Variants in CDH18 observed in about 807,000 individuals in gnomAD.
The protein encoded by CDH18 is cadherin 18.
Under a neutral mutation model 67.9 loss-of-function variants are expected in CDH18, and 31 were observed. The ratio of observed to expected loss-of-function variants is 0.46; its 90% confidence interval spans 0.34 to 0.62. CDH18 has a LOEUF of 0.62. Among genes scored for constraint, CDH18 ranks in the 20% least tolerant of loss-of-function variants. The probability of loss-of-function intolerance (pLI) is 0.01; values close to 1 mark genes in which losing one functional copy is unlikely to be tolerated. For missense variants in CDH18, 890 were observed against 975.5 expected (o/e 0.91, Z 1.17); for synonymous variants, 362 against 347.2 (o/e 1.04, Z -0.48).
intron 1 of CDH18, among the ~76,000 whole-genome samples, chr5:20,317,513 C>A (rs1737583510): frequency 6.6e-6 from 1 of 152,200 alleles, no homozygotes; most frequent in Admixed American, 6.5e-5. Context: ...CAGTAGTACA[C>A]ATATCTATAT....
intron 2 of CDH18, among the ~76,000 whole-genome samples, chr5:20,173,046 C>G (rs181313813): frequency 6.6e-6 from 1 of 151,440 alleles, no homozygotes; most frequent in Non-Finnish European, 1.5e-5. Flanking sequence ...AATAAAAGTA[C>G]TAAACACAAA....
rs1376671361 is a variant in CDH18, at chr5:20,022,189, T to C, written c.-517-30175A>G. Reference sequence around the variant, plus strand: ...AACATCCTGGGTATTGACTATTCCATTGAGTTCATATTAAGCAAGGCCTTG... The same window carrying C: ...AACATCCTGGGTATTGACTATTCCACTGAGTTCATATTAAGCAAGGCCTTG... On this transcript the variant is annotated intron_variant, in intron 2 of 14. Coordinates refer to the CDH18 transcript ENST00000507958. Among the ~76,000 whole-genome samples the C allele has an allele frequency of 2.0e-5, 3 of 152,340 alleles. No individual in the cohort carries two copies. In the East Asian group the frequency reaches 5.8e-4, roughly 29 times the overall value.
intron 2 of CDH18, among the ~76,000 whole-genome samples, chr5:20,180,935 T>A (rs957438921): frequency 7.2e-5 from 11 of 152,188 alleles, no homozygotes; most frequent in Non-Finnish European, 1.3e-4. Flanking sequence ...ATGCGTTATA[T>A]GAAACCAGTG....
chr5:20,324,781 C>A (rs1738394206), intron 1 of CDH18, among the ~76,000 whole-genome samples: 1 of 152,182 alleles, frequency 6.6e-6, no homozygotes, highest in Non-Finnish European at 1.5e-5. Flanking sequence ...CCAAAAAACA[C>A]AGTTTAGCTA....
chr5:19,727,857 T>A (rs1767054569), intron 4 of CDH18, among the ~76,000 whole-genome samples: 1 of 152,208 alleles, frequency 6.6e-6, no homozygotes, highest in African/African-American at 2.4e-5. Flanking sequence ...CATCAGGCAC[T>A]TCTAATGATC....
chr5:19,892,561 T>C (rs897532897), intron 2 of CDH18, among the ~76,000 whole-genome samples: 1 of 152,122 alleles, frequency 6.6e-6, no homozygotes, highest in Non-Finnish European at 1.5e-5. Flanking sequence ...TGTACCTGTA[T>C]AGTCCTCTCT....
chr5:19,581,435 T>C (rs1438089631), intron 7 of CDH18, among the ~76,000 whole-genome samples: 4 of 152,010 alleles, frequency 2.6e-5, no homozygotes, highest in Non-Finnish European at 4.4e-5. Context: ...ATCACTTCTA[T>C]TATTCCTTAA....
chr5:20,556,515 T>C (rs1442223481), intron 1 of CDH18, among the ~76,000 whole-genome samples: 1 of 152,184 alleles, frequency 6.6e-6, no homozygotes, highest in Non-Finnish European at 1.5e-5. Context: ...AGGCCCGTTC[T>C]CTTCTCTTAC....
intron 2 of CDH18, among the ~76,000 whole-genome samples, chr5:20,031,220 A>T (rs1231768400): frequency 6.6e-6 from 1 of 152,098 alleles, no homozygotes; most frequent in Admixed American, 6.6e-5. Context: ...TATCTCTGAA[A>T]AAAGGTGGCT....
chr5:19,909,779 T>C (rs1790927966), intron 2 of CDH18, among the ~76,000 whole-genome samples: 1 of 152,188 alleles, frequency 6.6e-6, no homozygotes, highest in Non-Finnish European at 1.5e-5. Flanking sequence ...TGCAGGAAAT[T>C]ATACTAATGA....
At chr5:20,287,411 T>C (rs988029078) in intron 1 of CDH18, among the ~76,000 whole-genome samples, 12 of 151,768 alleles carry the variant, frequency 7.9e-5, no homozygotes, top group Non-Finnish European at 1.3e-4. Flanking sequence ...CCTTTTTCCA[T>C]AGGTTCCTAA....
intron 7 of CDH18, among the ~76,000 whole-genome samples, chr5:19,579,272 T>A (rs1742829869): frequency 6.6e-6 from 1 of 152,106 alleles, no homozygotes; most frequent in South Asian, 2.1e-4. Flanking sequence ...TCACAGTGAA[T>A]GGCTCACTTT....
At chr5:19,884,916 G>A (rs981785453) in intron 2 of CDH18, among the ~76,000 whole-genome samples, 17 of 151,962 alleles carry the variant, frequency 1.1e-4, no homozygotes, top group African/African-American at 4.1e-4. Context: ...AAGCAAACTA[G>A]GGACATTATA....
At chr5:19,525,415 C>A in intron 9 of CDH18, among the ~76,000 whole-genome samples, 1 of 151,710 alleles carries the variant, frequency 6.6e-6, no homozygotes, top group African/African-American at 2.4e-5. Flanking sequence ...ATATCAGTTT[C>A]GTCTATATAC....
intron 2 of CDH18, among the ~76,000 whole-genome samples, chr5:20,021,478 A>C (rs966942769): frequency 6.6e-6 from 1 of 152,106 alleles, no homozygotes; most frequent in South Asian, 2.1e-4. Context: ...GGGGCCTGGT[A>C]TGAGGAGATT....
intron 3 of CDH18, among the ~76,000 whole-genome samples, chr5:19,808,925 C>G (rs1423738965): frequency 1.3e-5 from 2 of 149,590 alleles, no homozygotes; most frequent in East Asian, 4.0e-4. Flanking sequence ...TATATTTCTA[C>G]ATTATATTTG....
chr5:19,750,845 T>C (rs563498075), intron 3 of CDH18, among the ~76,000 whole-genome samples: 1 of 149,442 alleles, frequency 6.7e-6, no homozygotes, highest in African/African-American at 2.5e-5. Context: ...TCATATATAC[T>C]CTTAGAGCCA....
At chr5:19,893,115 A>T (rs1033994414) in intron 2 of CDH18, among the ~76,000 whole-genome samples, 2 of 152,062 alleles carry the variant, frequency 1.3e-5, no homozygotes, top group African/African-American at 4.8e-5. Flanking sequence ...AGGCCTCCCA[A>T]ACAGCTCCCT....
intron 10 of CDH18, among the ~76,000 whole-genome samples, chr5:19,513,195 C>A (rs1189427069): frequency 2.6e-5 from 4 of 151,970 alleles, no homozygotes; most frequent in South Asian, 2.1e-4. Flanking sequence ...ACAGACTTGA[C>A]CTCCAGGGCT....
Sources: gnomAD v4.1 joint callset for allele counts (sites outside exome capture counted in the v4.1 genomes callset) on GRCh38, gnomAD v4.1.1 for gene constraint, MANE v1.5 for transcripts, NCBI Gene and HGNC (gene_info 2026-07-23, HGNC 2026-07-21) for gene names.